DCAF5: variants seen among roughly 807,000 people sequenced by gnomAD.
DCAF5 encodes DDB1- and CUL4-associated factor 5.
In DCAF5, 9 loss-of-function variants were observed where a neutral mutation model predicts 80.7. The observed-to-expected ratio is 0.11, with a 90% CI of 0.07 to 0.19. The LOEUF (loss-of-function observed/expected upper bound fraction) is 0.19. DCAF5 is among the 10% of genes least tolerant of loss of function. DCAF5 has a pLI of 1.00. For missense variants in DCAF5, 842 were observed against 1,205.7 expected (o/e 0.70, Z 4.47); for synonymous variants, 433 against 461.9 (o/e 0.94, Z 0.80).
chr14:69,113,651 A>G (rs1298119532), intron 5 of DCAF5, among the ~76,000 whole-genome samples: 1 of 152,216 alleles, frequency 6.6e-6, no homozygotes, highest in East Asian at 1.9e-4. Flanking sequence ...CAAATTATCT[A>G]TTGCAACTCA....
At position 69,052,306 on chromosome 14, in the gene DCAF5, C is replaced by T. The variant is rs2037787910; in HGVS notation, c.*1551G>A. 1 of 152,680 alleles carries T rather than the reference C, an allele frequency of 6.5e-6. No individual in the cohort carries two copies. The highest frequency in any genetic ancestry group is 1.5e-5 in the Non-Finnish European group (1 of 68,066). The allele number at this position is 152,680 out of a possible 1,614,324, so 9.5% of individuals were successfully genotyped here. On this transcript the variant is annotated 3_prime_UTR_variant, in exon 9 of 9. Coordinates refer to ENST00000341516, the MANE Select transcript of DCAF5 (RefSeq NM_003861.3). ...AGCCTCCCCTTGGCTCCAGTTCCAG[C>T]AGGACAGGCCTTCCTCTGAAAGGAA...
intron 1 of DCAF5, among the ~76,000 whole-genome samples, chr14:69,134,300 C>A (rs1411903760): frequency 6.6e-6 from 1 of 152,048 alleles, no homozygotes; most frequent in Non-Finnish European, 1.5e-5. Flanking sequence ...TTAAGGTGTA[C>A]TAGAAAAAAA....
In DCAF5 at chr14:69,119,206, T is replaced by C; in HGVS notation, c.383A>G (p.His128Arg). Residue 128 changes from histidine to arginine, a missense_variant, in exon 3 of 9, where the codon CAT becomes CGT. By Grantham distance (29) the His-to-Arg change is conservative (BLOSUM62 0). Around this residue, in one of 5 missense-constraint regions of DCAF5, gnomAD observed 142 missense variants for 311.9 expected, o/e 0.46. Coordinates refer to ENST00000341516, the MANE Select transcript of DCAF5 (RefSeq NM_003861.3). Reference protein sequence around the residue: ...SGGNDEQVILHDVESSETLDV... With the variant: ...SGGNDEQVILRDVESSETLDV... ...CCAATCTATTTACCTTTCAACATCA[T>C]GGAGGATAACTTGCTCATCATTGCC... is the stretch of plus-strand genomic sequence containing the variant. 6.2e-7 allele frequency: 1 copy of C among 1,613,482 alleles called. No homozygotes were observed. Among genetic ancestry groups the C allele is most frequent in the Non-Finnish European group, 8.5e-7 (1 of 1,179,764 alleles).
At chr14:69,091,224 T>A in intron 6 of DCAF5, 1 of 697,716 alleles carries the variant, frequency 1.4e-6, no homozygotes, top group Non-Finnish European at 2.6e-6. Flanking sequence ...CCCCATTTCA[T>A]CCAAGAAAAA....
In DCAF5 at chr14:69,128,122, T is replaced by C. The variant is rs559523973; in HGVS notation, c.215-5762A>G. Among the ~76,000 whole-genome samples, 3 of 152,126 alleles carry C rather than the reference T, an allele frequency of 2.0e-5. No individual in the cohort carries two copies. The East Asian group carries it at 5.8e-4, about 29-fold the overall frequency. ...AAAGTAGAGGGATAGATGATTAATA[T>C]GGACAATTGCTATAGATGCATACAC... is the stretch of plus-strand genomic sequence containing the variant. On this transcript the variant is annotated intron_variant, in intron 1 of 8. Coordinates refer to ENST00000341516, the MANE Select transcript of DCAF5 (RefSeq NM_003861.3).
intron 1 of DCAF5, among the ~76,000 whole-genome samples, chr14:69,140,900 C>T (rs925737219): frequency 6.6e-6 from 1 of 151,938 alleles, no homozygotes; most frequent in African/African-American, 2.4e-5. Flanking sequence ...GCAGATCACC[C>T]CCGCCTAGGG....
chr14:69,128,758 A>G (rs1406909856), intron 1 of DCAF5, among the ~76,000 whole-genome samples: 1 of 152,042 alleles, frequency 6.6e-6, no homozygotes, highest in Non-Finnish European at 1.5e-5. Flanking sequence ...ACAGAGCAAG[A>G]CTCCATCTCA....
intron 7 of DCAF5, among the ~76,000 whole-genome samples, chr14:69,069,234 A>G (rs893514858): frequency 1.9e-4 from 29 of 152,180 alleles, no homozygotes; most frequent in Admixed American, 1.1e-3. Flanking sequence ...TCATCAGCCT[A>G]CTGCCAGTGG....
At chr14:69,108,909 C>T (rs1056478983) in intron 5 of DCAF5, among the ~76,000 whole-genome samples, 1 of 152,134 alleles carries the variant, frequency 6.6e-6, no homozygotes, top group Admixed American at 6.6e-5. Flanking sequence ...TGACTCTTCT[C>T]GTTCTCTCTT....
intron 6 of DCAF5, chr14:69,083,724 G>T: frequency 1.6e-6 from 1 of 644,096 alleles, no homozygotes. Flanking sequence ...CAAAAAAGAA[G>T]AGAAAAATGG....
intron 6 of DCAF5, among the ~76,000 whole-genome samples, chr14:69,075,791 A>AC (rs1402220604): frequency 2.0e-5 from 3 of 152,128 alleles, no homozygotes; most frequent in Non-Finnish European, 4.4e-5. Flanking sequence ...GCCTAAACAT[A>AC]CTGATTTTTA....
At chr14:69,070,784 ATTTTTCTTTTTTTTTTTTTG>A (rs2038656517) in intron 7 of DCAF5, among the ~76,000 whole-genome samples, 2 of 144,856 alleles carry the variant, frequency 1.4e-5, no homozygotes, top group Admixed American at 6.9e-5. Context: ...TCTAATTTTT[ATTTTTCTTTTTTTTTTTTTG>A]TTTTTCTTTT....
chr14:69,084,620 C>A, intron 6 of DCAF5: 1 of 906,170 alleles, frequency 1.1e-6, no homozygotes, highest in Non-Finnish European at 1.8e-6. Context: ...GAGATTCCTT[C>A]TACTCTTTAC....
intron 1 of DCAF5, among the ~76,000 whole-genome samples, chr14:69,123,011 T>C (rs2140072424): frequency 6.6e-6 from 1 of 152,332 alleles, no homozygotes; most frequent in Middle Eastern, 3.4e-3. Context: ...AAGAAGGCTA[T>C]ACTATTTTCC....
chr14:69,113,187 A>G (rs1315520095), intron 5 of DCAF5, among the ~76,000 whole-genome samples: 2 of 152,148 alleles, frequency 1.3e-5, no homozygotes, highest in East Asian at 1.9e-4. Flanking sequence ...ACATAGGTTA[A>G]GCCAGGAAGG....
At chr14:69,129,969 C>A (rs148762629) in intron 1 of DCAF5, among the ~76,000 whole-genome samples, 1 of 152,308 alleles carries the variant, frequency 6.6e-6, no homozygotes, top group African/African-American at 2.4e-5. Flanking sequence ...ATCACTAATT[C>A]ATCAAAAAAT....
chr14:69,087,350 A>C (rs765438318), intron 6 of DCAF5, among the ~76,000 whole-genome samples: 1 of 152,206 alleles, frequency 6.6e-6, no homozygotes, highest in Admixed American at 6.5e-5. Flanking sequence ...ACAAAAATCC[A>C]AGTAGGAAGT....
At chr14:69,097,239 G>T (rs1024849047) in intron 5 of DCAF5, among the ~76,000 whole-genome samples, 5 of 152,074 alleles carry the variant, frequency 3.3e-5, no homozygotes, top group Non-Finnish European at 7.4e-5. Context: ...AAAGGTCAAG[G>T]AAAGAATCCT....
chr14:69,060,419 G>A (rs1016638135), intron 8 of DCAF5, among the ~76,000 whole-genome samples: 10 of 152,160 alleles, frequency 6.6e-5, no homozygotes, highest in Non-Finnish European at 1.2e-4. Context: ...CTAGCCCCAC[G>A]GGGAAATGTG....
Sources: gnomAD v4.1 joint callset for allele counts (sites outside exome capture counted in the v4.1 genomes callset) on GRCh38, gnomAD v4.1.1 for gene constraint, gnomAD v4.1.1 regional missense constraint, MANE v1.5 for transcripts, NCBI Gene and HGNC (gene_info 2026-07-23, HGNC 2026-07-21) for gene names.